Variants in KCMF1 observed in about 807,000 individuals in gnomAD.
KCMF1 encodes E3 ubiquitin-protein ligase KCMF1.
KCMF1 carries 3 observed loss-of-function variants against 41.1 expected under a neutral mutation model. The observed-to-expected ratio is 0.07, with a 90% CI of 0.03 to 0.19. KCMF1 has a LOEUF of 0.19. Among genes scored for constraint, KCMF1 ranks in the 10% least tolerant of loss-of-function variants. The pLI is 1.00. For missense variants in KCMF1, 286 were observed against 488.9 expected (o/e 0.58, Z 3.91); for synonymous variants, 142 against 164.5 (o/e 0.86, Z 1.04).
At chr2:84,982,389 C>CTTTTTTTTTT (rs34687477) in intron 1 of KCMF1, among the ~76,000 whole-genome samples, 517 of 47,300 alleles carry the variant, frequency 0.011, 70 homozygotes, top group Non-Finnish European at 0.012. Context: ...TCCTTATTTT[C>CTTTTTTTTTT]TTTTTTTTTT....
intron 1 of KCMF1, among the ~76,000 whole-genome samples, chr2:84,977,017 T>C (rs1673565683): frequency 6.6e-6 from 1 of 152,120 alleles, no homozygotes; most frequent in Non-Finnish European, 1.5e-5. Context: ...TCTCTCTCCT[T>C]TTTTATAATT....
At chr2:85,038,213 A>G (rs554451579) in intron 3 of KCMF1, among the ~76,000 whole-genome samples, 1 of 152,368 alleles carries the variant, frequency 6.6e-6, no homozygotes, top group African/African-American at 2.4e-5. Context: ...AGTAATTCAC[A>G]ATTATAAGTT....
At chr2:85,029,992 A>C (rs1675226650) in intron 2 of KCMF1, among the ~76,000 whole-genome samples, 1 of 151,952 alleles carries the variant, frequency 6.6e-6, no homozygotes, top group South Asian at 2.1e-4. Context: ...TTCGTGCTAT[A>C]ATTTCTTACC....
chr2:85,019,741 T>C (rs1009959345), intron 1 of KCMF1, among the ~76,000 whole-genome samples: 3 of 151,804 alleles, frequency 2.0e-5, no homozygotes, highest in African/African-American at 7.3e-5. Flanking sequence ...TGTGTGTATA[T>C]ATATGTATAT....
intron 1 of KCMF1, among the ~76,000 whole-genome samples, chr2:85,008,370 C>CATATATA (rs1491352581): frequency 1.2e-4 from 1 of 8,466 alleles, no homozygotes; most frequent in Non-Finnish European, 4.4e-4. Flanking sequence ...TATTATATAT[C>CATATATA]ATATGATATA....
intron 1 of KCMF1, among the ~76,000 whole-genome samples, chr2:84,976,642 CA>C (rs1163223948): frequency 2.2e-5 from 3 of 134,068 alleles, no homozygotes; most frequent in South Asian, 2.3e-4. Context: ...AAAAAAAAAA[CA>C]AAAAAAAACA....
chr2:85,010,358 A>C (rs1674622513), intron 1 of KCMF1, among the ~76,000 whole-genome samples: 2 of 152,186 alleles, frequency 1.3e-5, no homozygotes, highest in Admixed American at 6.5e-5. Flanking sequence ...AACCCTAGCT[A>C]CTTGGGTGGC....
At chr2:85,028,349 A>AT (rs1399592660) in intron 2 of KCMF1, among the ~76,000 whole-genome samples, 1 of 150,808 alleles carries the variant, frequency 6.6e-6, no homozygotes, top group South Asian at 2.1e-4. Context: ...CGCCTGGCTA[A>AT]TTTTTTTGTA....
intron 1 of KCMF1, among the ~76,000 whole-genome samples, chr2:84,990,718 G>A (rs1452775757): frequency 6.6e-6 from 1 of 152,050 alleles, no homozygotes; most frequent in East Asian, 1.9e-4. Context: ...GTTTTAGAAA[G>A]GATGATCAGG....
intron 1 of KCMF1, among the ~76,000 whole-genome samples, chr2:85,027,041 A>G (rs1675124844): frequency 6.6e-6 from 1 of 152,208 alleles, no homozygotes; most frequent in South Asian, 2.1e-4. Context: ...CTATAAACCC[A>G]TGAGGACTGG....
intron 1 of KCMF1, among the ~76,000 whole-genome samples, chr2:84,999,119 A>G (rs1369690462): frequency 6.6e-6 from 1 of 150,970 alleles, no homozygotes; most frequent in Non-Finnish European, 1.5e-5. Context: ...TGCTGGGATT[A>G]CAGGCATGAG....
intron 1 of KCMF1, among the ~76,000 whole-genome samples, chr2:84,996,523 C>T (rs1674180500): frequency 6.7e-6 from 1 of 150,242 alleles, no homozygotes; most frequent in African/African-American, 2.5e-5. Flanking sequence ...GGAACCTCCG[C>T]CTCCTGGGTT....
chr2:84,971,523 G>C, intron 1 of KCMF1, 56 bp downstream of exon 1: 1 of 1,066,480 alleles, frequency 9.4e-7, no homozygotes, highest in Non-Finnish European at 1.2e-6. Context: ...TACCCCGCCC[G>C]GGCCGGGCGC....
At chr2:84,981,840 G>T (rs144425034) in intron 1 of KCMF1, among the ~76,000 whole-genome samples, 1 of 151,940 alleles carries the variant, frequency 6.6e-6, no homozygotes, top group Non-Finnish European at 1.5e-5. Flanking sequence ...GTTCAGTACC[G>T]CAGTATCAGC....
intron 1 of KCMF1, among the ~76,000 whole-genome samples, chr2:85,001,104 G>A (rs1674316347): frequency 6.6e-6 from 1 of 150,954 alleles, no homozygotes; most frequent in African/African-American, 2.4e-5. Context: ...GGAATTACAG[G>A]TGTGAGCCAC....
Position 85,053,424 on chromosome 2 carries a change from G to A in KCMF1, c.*15G>A, listed in dbSNP as rs372007823. 1.1e-5 allele frequency: 17 copies of A among 1,606,178 alleles called. No homozygotes were observed. The South Asian group carries it at 1.1e-4, about 11-fold the overall frequency. On this transcript the variant is annotated 3_prime_UTR_variant, in exon 7 of 7. Transcript: ENST00000409785. ...CTCCTCTTTGATGACATCCCAATTC[G>A]CAGACAATGTCCTCTGTGCTGTATT...
intron 3 of KCMF1, among the ~76,000 whole-genome samples, chr2:85,035,929 T>G (rs1454453599): frequency 1.3e-5 from 2 of 152,176 alleles, no homozygotes; most frequent in Non-Finnish European, 2.9e-5. Context: ...CATCAACTAA[T>G]AAGCCCGTAA....
At chr2:85,047,571 A>G (rs187187026) in intron 5 of KCMF1, among the ~76,000 whole-genome samples, 12 of 151,570 alleles carry the variant, frequency 7.9e-5, no homozygotes, top group East Asian at 3.9e-4. Context: ...TGAAAGGTAC[A>G]TGTTTAATAG....
rs762055441 is a variant in KCMF1, at chr2:85,007,444, G to A, written c.17-20445G>A. Among the ~76,000 whole-genome samples, 7 of 152,188 alleles carry A rather than the reference G, an allele frequency of 4.6e-5. No individual in the cohort carries two copies. The East Asian group carries it at 5.8e-4, about 13-fold the overall frequency. ...ACTCAGGACCCAACATATATGGAGC[G>A]TTTAGCAGGGTTATTGTATGGACCA... On this transcript the variant is annotated intron_variant, in intron 1 of 6. Transcript: ENST00000409785.
Sources: gnomAD v4.1 joint callset for allele counts (sites outside exome capture counted in the v4.1 genomes callset) on GRCh38, gnomAD v4.1.1 for gene constraint, MANE v1.5 for transcripts, NCBI Gene and HGNC (gene_info 2026-07-23, HGNC 2026-07-21) for gene names.